FBXO4: variants seen among roughly 807,000 people sequenced by gnomAD.
The protein encoded by FBXO4 is F-box only protein 4.
Under a neutral mutation model 43.7 loss-of-function variants are expected in FBXO4, and 36 were observed. That is an observed-to-expected ratio of 0.82 (90% CI 0.63 to 1.09). The LOEUF (loss-of-function observed/expected upper bound fraction) is 1.09, where lower values mean the gene tolerates loss of function less well. Among genes scored for constraint, FBXO4 ranks in the 50% least tolerant of loss-of-function variants. FBXO4 has a pLI of 0.00. For synonymous variants in FBXO4, 180 were observed against 165.6 expected, an observed-to-expected ratio of 1.09 and a Z score of -0.67; for missense variants, 435 against 474.1, an observed-to-expected ratio of 0.92 and a Z score of 0.77.
the FBXO4 span, among the ~76,000 whole-genome samples, chr5:42,034,157 G>A: frequency 2.0e-5 from 3 of 151,918 alleles, no homozygotes; most frequent in African/African-American, 7.3e-5. Context: ...CTGCATAAAT[G>A]TCTTCTTTTG....
At chr5:41,945,251 A>G (rs1461951642), downstream of FBXO4, among the ~76,000 whole-genome samples, 1 of 152,190 alleles carries the variant, frequency 6.6e-6, no homozygotes, top group Non-Finnish European at 1.5e-5. Flanking sequence ...TGTTTATTCT[A>G]TTTTGTTCCT....
the FBXO4 span, among the ~76,000 whole-genome samples, chr5:41,983,145 T>C: frequency 6.6e-6 from 1 of 152,308 alleles, no homozygotes; most frequent in South Asian, 2.1e-4. Flanking sequence ...TGGTTACAAG[T>C]CTTTGCTATT....
chr5:41,953,316 G>A, the FBXO4 span, among the ~76,000 whole-genome samples: 6 of 151,628 alleles, frequency 4.0e-5, no homozygotes, highest in Admixed American at 3.9e-4. Flanking sequence ...TCCCTACAAA[G>A]GACATGAACT....
chr5:41,981,208 G>C, the FBXO4 span, among the ~76,000 whole-genome samples: 1 of 151,770 alleles, frequency 6.6e-6, no homozygotes, highest in African/African-American at 2.4e-5. Context: ...AACTCATTTG[G>C]TGGCACCTGA....
At chr5:42,013,455 A>G in the FBXO4 span, among the ~76,000 whole-genome samples, 2 of 152,188 alleles carry the variant, frequency 1.3e-5, no homozygotes, top group Non-Finnish European at 2.9e-5. Flanking sequence ...TAATATTTTT[A>G]TCAAGTTATA....
the FBXO4 span, among the ~76,000 whole-genome samples, chr5:41,965,853 T>G: frequency 6.6e-6 from 1 of 152,230 alleles, no homozygotes; most frequent in Non-Finnish European, 1.5e-5. Flanking sequence ...TGAACACGTA[T>G]GTTTATTGTG....
At chr5:41,961,128 C>T in the FBXO4 span, among the ~76,000 whole-genome samples, 1 of 151,954 alleles carries the variant, frequency 6.6e-6, no homozygotes, top group Non-Finnish European at 1.5e-5. Context: ...GATTTGTCAC[C>T]AATGGGGTCA....
the FBXO4 span, among the ~76,000 whole-genome samples, chr5:41,952,796 T>C: frequency 6.6e-6 from 1 of 152,176 alleles, no homozygotes; most frequent in South Asian, 2.1e-4. Context: ...TCTTTTCTTC[T>C]TTGTCTAGTC....
chr5:41,951,500 GA>G, the FBXO4 span: 1 of 250,872 alleles, frequency 4.0e-6, no homozygotes, highest in South Asian at 4.9e-5. Context: ...CTCAGGTGCT[GA>G]AGAAGTCTGT....
chr5:41,943,747 T>C (rs1356117594), downstream of FBXO4, among the ~76,000 whole-genome samples: 1 of 152,176 alleles, frequency 6.6e-6, no homozygotes, highest in Non-Finnish European at 1.5e-5. Context: ...TAATAACTGT[T>C]AATGGACTGA....
At chr5:41,994,846 T>C in the FBXO4 span, among the ~76,000 whole-genome samples, 1 of 152,068 alleles carries the variant, frequency 6.6e-6, no homozygotes, top group South Asian at 2.1e-4. Context: ...TGTAATGTCG[T>C]GGGAACAGGA....
the FBXO4 span, among the ~76,000 whole-genome samples, chr5:42,038,201 C>G: frequency 6.6e-6 from 1 of 152,052 alleles, no homozygotes; most frequent in African/African-American, 2.4e-5. Flanking sequence ...GGACATGTGC[C>G]TTATCTGGTG....
chr5:42,028,350 T>G, the FBXO4 span, among the ~76,000 whole-genome samples: 1 of 151,966 alleles, frequency 6.6e-6, no homozygotes, highest in East Asian at 1.9e-4. Context: ...CTTCTGCTCT[T>G]TTTTGGTTTC....
chr5:41,965,544 T>C, the FBXO4 span, among the ~76,000 whole-genome samples: 7 of 152,176 alleles, frequency 4.6e-5, no homozygotes, highest in Non-Finnish European at 8.8e-5. Context: ...TTTGTTTGTA[T>C]CCTCTTTTAT....
At chr5:41,973,359 C>T in the FBXO4 span, among the ~76,000 whole-genome samples, 1 of 152,000 alleles carries the variant, frequency 6.6e-6, no homozygotes, top group Non-Finnish European at 1.5e-5. Flanking sequence ...AAATCAAAAC[C>T]ACAATGAGAT....
chr5:41,939,473 A>G lies in FBXO4; in HGVS notation c.931A>G (p.Met311Val), dbSNP rs749672300. The change falls in exon 6 of 7, where the codon ATG becomes GTG. Residue 311 changes from methionine to valine, a missense_variant. Physicochemically the swap from Met to Val is conservative, Grantham distance 21. Coordinates refer to ENST00000281623, the MANE Select transcript of FBXO4 (RefSeq NM_012176.3). The stretch of plus-strand genomic sequence containing the variant: ...ATGGCAAGATGAATTTTCTCATATT[A>G]TGGCAATGACAGATCCAGCCTTTGG... ...HEWQDEFSHI[M>V]AMTDPAFGSS... is the part of the protein sequence containing the mutation. 2 of 1,612,612 alleles carry G rather than the reference A, an allele frequency of 1.2e-6. No individual in the cohort carries two copies. Among genetic ancestry groups the G allele is most frequent in the Admixed American group, 1.7e-5 (1 of 59,902 alleles).
chr5:41,996,392 A>C, the FBXO4 span, among the ~76,000 whole-genome samples: 1 of 152,214 alleles, frequency 6.6e-6, no homozygotes, highest in Non-Finnish European at 1.5e-5. Flanking sequence ...GAGAGTAGTT[A>C]TCTGCAAAAG....
chr5:42,009,222 T>C, the FBXO4 span, among the ~76,000 whole-genome samples: 1 of 152,134 alleles, frequency 6.6e-6, no homozygotes, highest in Non-Finnish European at 1.5e-5. Context: ...TTGCTCCCTG[T>C]TTCTCCCTAA....
At chr5:41,966,588 A>G in the FBXO4 span, among the ~76,000 whole-genome samples, 1 of 152,212 alleles carries the variant, frequency 6.6e-6, no homozygotes, top group Non-Finnish European at 1.5e-5. Context: ...TAGGAAAATG[A>G]TTAACATGTA....
Sources: allele counts gnomAD v4.1 joint callset (sites outside exome capture counted in the v4.1 genomes callset), GRCh38; gene constraint gnomAD v4.1.1; transcripts MANE v1.5; gene names NCBI Gene and HGNC (gene_info 2026-07-23, HGNC 2026-07-21).